The following UNC79 variants were observed in gnomAD, a reference collection of about 807,000 sequenced individuals.
UNC79 encodes the protein unc-79 subunit of NALCN channel complex, also known as protein unc-79 homolog.
Under a neutral mutation model 283.1 loss-of-function variants are expected in UNC79, and 37 were observed. That is an observed-to-expected ratio of 0.13 (90% CI 0.10 to 0.17). UNC79 has a LOEUF of 0.17. UNC79 is among the 10% of genes least tolerant of loss of function. The probability of loss-of-function intolerance (pLI) is 1.00; values close to 1 mark genes in which losing one functional copy is unlikely to be tolerated. For missense variants in UNC79, 2,272 were observed against 3,211.1 expected (o/e 0.71, Z 7.07); for synonymous variants, 1,107 against 1,200.2 (o/e 0.92, Z 1.61).
Position 93,581,987 on chromosome 14 carries a change from A to C in UNC79, c.2662-216A>C, listed in dbSNP as rs148494866. Among the ~76,000 whole-genome samples the C allele has an allele frequency of 7.5e-3, 1,146 of 152,334 alleles. 16 individuals carry two copies. Among genetic ancestry groups the C allele is most frequent in the African/African-American group, 0.027 (1,102 of 41,574 alleles). ...TCTTCTTCTATATATATTTGAAGTG[A>C]AAGAAAATGTTTCAGCAATAGCGGA... On this transcript the variant is annotated intron_variant, in intron 19 of 48. Transcript: ENST00000555664.
intron 22 of UNC79, among the ~76,000 whole-genome samples, chr14:93,589,567 C>A (rs576449232): frequency 6.6e-6 from 1 of 152,112 alleles, no homozygotes; most frequent in Non-Finnish European, 1.5e-5. Flanking sequence ...CTGATGGCAT[C>A]TGCAGAGGCC....
intron 46 of UNC79, among the ~76,000 whole-genome samples, chr14:93,694,019 A>G (rs1201140804): frequency 2.0e-5 from 3 of 152,214 alleles, no homozygotes; most frequent in Admixed American, 2.0e-4. Flanking sequence ...GTTAGAAATG[A>G]AGGCAACAGA....
At chr14:93,444,873 C>A (rs1347299123) in intron 1 of UNC79, among the ~76,000 whole-genome samples, 1 of 152,128 alleles carries the variant, frequency 6.6e-6, no homozygotes, top group African/African-American at 2.4e-5. Flanking sequence ...ATTTTAAAAT[C>A]AACTTGTAAT....
rs1415839396 is a variant in UNC79 at position 93,621,795 on chromosome 14, C to T, written c.4562C>T (p.Ser1521Leu). ...ACATTAGACGAACATCGTAGGAAGT[C>T]GTGCATAGATCGGTGTGACATAGAG... is the stretch of plus-strand genomic sequence containing the variant. Residue 1521 changes from serine (S) to leucine (L), a missense_variant, in exon 30 of 49, where the codon TCG becomes TTG. By Grantham distance (145) the Ser-to-Leu change is moderately radical. Around this residue, in one of 11 missense-constraint regions of UNC79, gnomAD observed 580 missense variants for 632.2 expected, o/e 0.92. Coordinates refer to ENST00000555664, the Ensembl canonical transcript of UNC79. The surrounding 1 kb of genome is among the most constrained non-coding windows in gnomAD (Gnocchi z 4.8). 4 of 1,613,652 alleles carry T rather than the reference C, an allele frequency of 2.5e-6. No homozygotes were observed. The highest frequency in any genetic ancestry group is 2.2e-5 in the East Asian group (1 of 44,852).
chr14:93,470,131 CTATT>C (rs2057427128), intron 2 of UNC79, among the ~76,000 whole-genome samples: 1 of 152,072 alleles, frequency 6.6e-6, no homozygotes, highest in Non-Finnish European at 1.5e-5. Flanking sequence ...CACGAAGTAA[CTATT>C]TGTCTTTCTA....
At chr14:93,476,916 T>A (rs2140349068) in intron 3 of UNC79, among the ~76,000 whole-genome samples, 1 of 152,344 alleles carries the variant, frequency 6.6e-6, no homozygotes, top group Admixed American at 6.5e-5. Flanking sequence ...GGACTTTACA[T>A]TTATCTCATT....
At chr14:93,646,926 G>T (rs1469216022) in intron 35 of UNC79, among the ~76,000 whole-genome samples, 3 of 152,150 alleles carry the variant, frequency 2.0e-5, no homozygotes, top group Non-Finnish European at 4.4e-5. Context: ...GCTCTAGAGA[G>T]CACTAGTTAT....
intron 14 of UNC79, among the ~76,000 whole-genome samples, chr14:93,566,172 G>T (rs2062866460): frequency 6.6e-6 from 1 of 152,132 alleles, no homozygotes; most frequent in Non-Finnish European, 1.5e-5. Context: ...TCCCGCTTGG[G>T]AGAGAAAAAT....
intron 5 of UNC79, among the ~76,000 whole-genome samples, chr14:93,488,860 G>GCT (rs2058583331): frequency 6.6e-6 from 1 of 152,162 alleles, no homozygotes; most frequent in Non-Finnish European, 1.5e-5. Context: ...ATACATAAGG[G>GCT]CTCTGCCCTA....
At chr14:93,676,424 G>C (rs543905381) in intron 41 of UNC79, among the ~76,000 whole-genome samples, 39 of 152,314 alleles carry the variant, frequency 2.6e-4, no homozygotes, top group African/African-American at 8.9e-4. Context: ...AGGTGAACAG[G>C]GCTTAGGGAA....
intron 41 of UNC79, among the ~76,000 whole-genome samples, chr14:93,682,354 CT>C (rs2073914607): frequency 6.6e-6 from 1 of 152,116 alleles, no homozygotes; most frequent in Non-Finnish European, 1.5e-5. Context: ...ATGCTGACAT[CT>C]TTTATTTTTT....
intron 14 of UNC79, among the ~76,000 whole-genome samples, chr14:93,552,457 A>C (rs974445256): frequency 4.7e-4 from 71 of 152,202 alleles, no homozygotes; most frequent in African/African-American, 1.7e-3. Context: ...AAGTGGAAGA[A>C]AATTTTTAAA....
chr14:93,686,772 C>A, intron 43 of UNC79, 111 bp downstream of exon 46: 1 of 1,156,936 alleles, frequency 8.6e-7, no homozygotes, highest in Non-Finnish European at 1.2e-6. Flanking sequence ...AGCCGTGGCA[C>A]TGTTGAATGA....
intron 25 of UNC79, 54 bp downstream of exon 25, chr14:93,600,824 C>T (rs2065444581): frequency 6.3e-7 from 1 of 1,578,160 alleles, no homozygotes; most frequent in Non-Finnish European, 8.7e-7. Flanking sequence ...TTGTGCTTGC[C>T]TAGACAAACA....
Position 93,604,948 on chromosome 14 carries a change from C to T in UNC79, c.3754+1530C>T, listed in dbSNP as rs757083404. ...CTGCTCCAGCTCTCGGTGGGACACC[C>T]GAACAGACGCCAGGTGGGTACTTCT... On this transcript the variant is annotated intron_variant, in intron 26 of 48. Transcript: ENST00000555664. 14 of 1,579,682 alleles carry T rather than the reference C, an allele frequency of 8.9e-6. No individual in the cohort carries two copies. In the East Asian group the frequency reaches 9.0e-5, roughly 10 times the overall value.
intron 1 of UNC79, among the ~76,000 whole-genome samples, chr14:93,350,519 CAG>C (rs962547998): frequency 2.0e-5 from 3 of 151,996 alleles, no homozygotes; most frequent in South Asian, 4.2e-4. Context: ...GTATAAGAAA[CAG>C]AATTTATAAA....
At chr14:93,373,414 AAAAGAG>A (rs888256350) in intron 1 of UNC79, among the ~76,000 whole-genome samples, 2 of 152,200 alleles carry the variant, frequency 1.3e-5, no homozygotes, top group African/African-American at 4.8e-5. Context: ...TGAGAAAAAA[AAAAGAG>A]AGAGGACACA....
chr14:93,660,936 TACTA>T (rs1276475365), intron 39 of UNC79, among the ~76,000 whole-genome samples: 5 of 152,074 alleles, frequency 3.3e-5, no homozygotes, highest in African/African-American at 4.8e-5. Context: ...GAATCATTAG[TACTA>T]AGTCTGTGAG....
rs541607956 is a variant in UNC79 at position 93,705,321 on chromosome 14, T to C, written c.7590+655T>C. 7.3e-4 allele frequency among the ~76,000 whole-genome samples: 92 copies of C among 125,862 alleles called. No individual in the cohort carries two copies. The South Asian group carries it at 0.022, about 30-fold the overall frequency. 82.6% of individuals were successfully genotyped at this position (125,862 alleles called of 152,430 possible). On this transcript the variant is annotated intron_variant, in intron 48 of 48. Transcript: ENST00000555664. ...ATTTGCAGTAACAAGATTGTGTATA[T>C]ATAGACAGAGCAAGACCCAGTCTCT...
Sources: gnomAD v4.1 joint callset for allele counts (sites outside exome capture counted in the v4.1 genomes callset) on GRCh38, gnomAD v4.1.1 for gene constraint, gnomAD v4.1.1 regional missense constraint, Gnocchi (gnomAD v3.1) non-coding constraint, MANE v1.5 for transcripts, NCBI Gene and HGNC (gene_info 2026-07-23, HGNC 2026-07-21) for gene names.